The following CACNA1D variants were observed in gnomAD, a reference collection of about 807,000 sequenced individuals.
The protein encoded by CACNA1D is calcium voltage-gated channel subunit alpha1 D.
In CACNA1D, 55 loss-of-function variants were observed where a neutral mutation model predicts 257.1. The observed-to-expected ratio is 0.21, with a 90% CI of 0.17 to 0.27. The LOEUF (loss-of-function observed/expected upper bound fraction) is 0.27. Ranked by LOEUF, CACNA1D falls within the 10% of genes least tolerant of loss-of-function variation. The pLI is 1.00. For missense variants in CACNA1D, 1,876 were observed against 2,784.0 expected (o/e 0.67, Z 7.34); for synonymous variants, 980 against 1,014.9 (o/e 0.97, Z 0.65).
intron 3 of CACNA1D, among the ~76,000 whole-genome samples, chr3:53,517,915 C>G (rs557942395): frequency 6.6e-6 from 1 of 152,360 alleles, no homozygotes; most frequent in Non-Finnish European, 1.5e-5. Context: ...ACCCAGCCAG[C>G]CCTCTAGGCA....
chr3:53,732,757 A>T, intron 18 of CACNA1D, 58 bp from the exon 19 acceptor site: 1 of 1,504,682 alleles, frequency 6.6e-7, no homozygotes, highest in Non-Finnish European at 9.3e-7. Flanking sequence ...ATTAAGAATA[A>T]TTCAAACCCA....
chr3:53,503,438 AC>A (rs1363526888), intron 3 of CACNA1D, among the ~76,000 whole-genome samples: 1 of 152,240 alleles, frequency 6.6e-6, no homozygotes. Context: ...TAGCCTTGTT[AC>A]CAAATTTAAC....
intron 40 of CACNA1D, among the ~76,000 whole-genome samples, chr3:53,798,824 G>A (rs1244604418): frequency 6.6e-6 from 1 of 152,152 alleles, no homozygotes; most frequent in South Asian, 2.1e-4. Flanking sequence ...ACCCAGCCCT[G>A]ATGGATCTGG....
intron 3 of CACNA1D, among the ~76,000 whole-genome samples, chr3:53,508,310 A>G (rs1210629735): frequency 1.3e-5 from 2 of 151,456 alleles, no homozygotes; most frequent in African/African-American, 2.4e-5. Context: ...TTCCTCCCAC[A>G]TTTCTTTTTT....
chr3:53,499,310 A>G (rs2090484042), intron 2 of CACNA1D, among the ~76,000 whole-genome samples: 1 of 152,064 alleles, frequency 6.6e-6, no homozygotes, highest in Non-Finnish European at 1.5e-5. Context: ...TAAGCAATAT[A>G]TGATTTTTTT....
chr3:53,607,577 G>T (rs2107929070), intron 3 of CACNA1D, among the ~76,000 whole-genome samples: 1 of 152,314 alleles, frequency 6.6e-6, no homozygotes, highest in South Asian at 2.1e-4. Context: ...CAAGAGTGGG[G>T]ACCTGTCTTA....
At chr3:53,727,040 A>T in intron 15 of CACNA1D, 41 bp downstream of exon 15, 3 of 1,613,090 alleles carry the variant, frequency 1.9e-6, no homozygotes, top group South Asian at 2.2e-5. Context: ...TGCCGTCGTT[A>T]TCTGGTTTTG....
chr3:53,554,113 GT>G (rs1167321458), intron 3 of CACNA1D, among the ~76,000 whole-genome samples: 1 of 151,516 alleles, frequency 6.6e-6, no homozygotes, highest in Non-Finnish European at 1.5e-5. Context: ...GGAGAATGGC[GT>G]GAACCCGGGA....
chr3:53,757,214 C>T (rs530319605), intron 29 of CACNA1D, among the ~76,000 whole-genome samples: 3 of 143,728 alleles, frequency 2.1e-5, no homozygotes, highest in South Asian at 4.3e-4. Context: ...GAAAATTTGA[C>T]ACTGTTTTTT....
At chr3:53,513,807 A>G (rs547358891) in intron 3 of CACNA1D, among the ~76,000 whole-genome samples, 2 of 152,158 alleles carry the variant, frequency 1.3e-5, no homozygotes, top group African/African-American at 4.8e-5. Context: ...TGGCTTTTAT[A>G]CAGTATTTTT....
intron 3 of CACNA1D, among the ~76,000 whole-genome samples, chr3:53,622,169 G>A (rs1266596935): frequency 6.6e-6 from 1 of 152,070 alleles, no homozygotes; most frequent in Admixed American, 6.5e-5. Context: ...TCCTGCCTCA[G>A]CCTCAGCAGT....
intron 3 of CACNA1D, among the ~76,000 whole-genome samples, chr3:53,552,324 G>T (rs925143887): frequency 5.3e-5 from 8 of 152,198 alleles, no homozygotes; most frequent in African/African-American, 1.4e-4. Flanking sequence ...CAGAAGCCAT[G>T]CTGCCCTTTC....
intron 3 of CACNA1D, among the ~76,000 whole-genome samples, chr3:53,533,399 A>G (rs960840090): frequency 6.6e-6 from 1 of 152,142 alleles, no homozygotes; most frequent in Non-Finnish European, 1.5e-5. Flanking sequence ...TTTGGCCAAA[A>G]AAGTTTGGGA....
At chr3:53,712,495 G>A (rs2094769520) in intron 9 of CACNA1D, among the ~76,000 whole-genome samples, 1 of 152,240 alleles carries the variant, frequency 6.6e-6, no homozygotes, top group Non-Finnish European at 1.5e-5. Flanking sequence ...GCAAGAGGCT[G>A]TTACTCTGTG....
At chr3:53,572,366 GTTTGTTTGTTTA>G (rs1225779577) in intron 3 of CACNA1D, among the ~76,000 whole-genome samples, 12 of 60,076 alleles carry the variant, frequency 2.0e-4, no homozygotes, top group East Asian at 1.1e-3. Context: ...TGGTTTGTTT[GTTTGTTTGTTTA>G]TTTATTTATT....
At chr3:53,499,423 G>A (rs191850508) in intron 2 of CACNA1D, among the ~76,000 whole-genome samples, 1 of 152,196 alleles carries the variant, frequency 6.6e-6, no homozygotes, top group East Asian at 1.9e-4. Flanking sequence ...CAGTGGGAGA[G>A]CAAGGGTCAA....
intron 20 of CACNA1D, among the ~76,000 whole-genome samples, chr3:53,736,928 G>A (rs1205838020): frequency 1.3e-5 from 2 of 151,608 alleles, no homozygotes; most frequent in Non-Finnish European, 2.9e-5. Flanking sequence ...AGATTTTGGT[G>A]TGGCAGAGGT....
At chr3:53,784,268 C>A (rs1279181168) in intron 39 of CACNA1D, among the ~76,000 whole-genome samples, 1 of 152,204 alleles carries the variant, frequency 6.6e-6, no homozygotes, top group Admixed American at 6.5e-5. Flanking sequence ...CAGAAGCTCT[C>A]TCTCCTCCCC....
Position 53,776,710 on chromosome 3 carries a change from A to G in CACNA1D, c.4470A>G (p.Ser1490=). 3 of 1,614,250 alleles carry G rather than the reference A, an allele frequency of 1.9e-6. No homozygotes were observed. The highest frequency in any genetic ancestry group is 2.2e-5 in the South Asian group (2 of 91,082). The change falls in exon 36 of 48, where the codon TCA becomes TCG. Residue 1490 remains serine (S), a synonymous_variant. Coordinates refer to ENST00000350061, the MANE Select transcript of CACNA1D (RefSeq NM_001128840.3). ...TAGATGAATTCAAAAGAATATGGTCAGAATATGACCCTGAGGCAAAGTAGG... is the reference window on the plus strand; with the variant it reads ...TAGATGAATTCAAAAGAATATGGTCGGAATATGACCCTGAGGCAAAGTAGG... ...HHLDEFKRIW[S]EYDPEAKGRI... is the part of the protein sequence containing the mutation.
Sources: allele counts gnomAD v4.1 joint callset (sites outside exome capture counted in the v4.1 genomes callset), GRCh38; gene constraint gnomAD v4.1.1; transcripts MANE v1.5; gene names NCBI Gene and HGNC (gene_info 2026-07-23, HGNC 2026-07-21).